FRMD8: variants seen among roughly 807,000 people sequenced by gnomAD.
The protein encoded by FRMD8 is FERM domain containing 8, also known as FERM domain-containing protein 8.
Under a neutral mutation model 54.2 loss-of-function variants are expected in FRMD8, and 37 were observed. The observed-to-expected ratio is 0.68, with a 90% CI of 0.53 to 0.90. The LOEUF (loss-of-function observed/expected upper bound fraction) is 0.90, where lower values mean the gene tolerates loss of function less well. FRMD8 is among the 40% of genes least tolerant of loss of function. The probability of loss-of-function intolerance (pLI) is 0.00; values close to 1 mark genes in which losing one functional copy is unlikely to be tolerated. For synonymous variants in FRMD8, 246 were observed against 286.9 expected (o/e 0.86, Z 1.44); for missense variants, 585 against 653.7 (o/e 0.89, Z 1.15).
At chr11:65,408,577 G>A (rs1279263365) in intron 10 of FRMD8, among the ~76,000 whole-genome samples, 1 of 151,588 alleles carries the variant, frequency 6.6e-6, no homozygotes, top group Non-Finnish European at 1.5e-5. Context: ...GTTTCCTCAG[G>A]ATACTTTCCT....
chr11:65,368,919 T>C, the FRMD8 span, among the ~76,000 whole-genome samples: 1 of 152,026 alleles, frequency 6.6e-6, no homozygotes, highest in African/African-American at 2.4e-5. Flanking sequence ...CCAGACCTCA[T>C]AGTTTAGAGG....
In FRMD8 at chr11:65,405,553, G is replaced by A. The variant is rs534516524; in HGVS notation, c.1276+485G>A. Among the ~76,000 whole-genome samples, 3 of 152,348 alleles carry A rather than the reference G, an allele frequency of 2.0e-5. No individual in the cohort carries two copies. The South Asian group carries it at 6.2e-4, about 32-fold the overall frequency. On this transcript the variant is annotated intron_variant, in intron 10 of 10. Coordinates refer to ENST00000317568, the MANE Select transcript of FRMD8 (RefSeq NM_031904.5). ...CAGGAAAAACGCTTGAACCCAGCAG[G>A]CAGAGGTTGCAGTGAGCCGAGATTG...
chr11:65,400,778 G>T lies in FRMD8; in HGVS notation c.982G>T (p.Glu328Ter). ...QELSWDHTSP[E>*]EEEPILWLEF... is the part of the protein sequence containing the mutation. ...GCTGTCGTGGGACCACACCTCCCCCGAGGAGGAGGAGCCCATCTTGTGGCT... is the reference window on the plus strand; with the variant it reads ...GCTGTCGTGGGACCACACCTCCCCCTAGGAGGAGGAGCCCATCTTGTGGCT... Residue 328 changes from glutamate (E) to a stop codon, truncating the protein, a stop_gained, in exon 9 of 11, where the codon GAG becomes TAG. Transcript: ENST00000317568. LOFTEE classifies it high-confidence loss of function. The surrounding 1 kb of genome is among the most constrained non-coding windows in gnomAD (Gnocchi z 4.3). 1 of 1,611,662 alleles carries T rather than the reference G, an allele frequency of 6.2e-7. No individual in the cohort carries two copies. Among genetic ancestry groups the T allele is most frequent in the Non-Finnish European group, 8.5e-7 (1 of 1,179,142 alleles).
rs1856035635 is a variant in FRMD8, at chr11:65,399,863, C to T, written c.927+4C>T. 1.2e-6 allele frequency: 2 copies of T among 1,610,300 alleles called. No individual in the cohort carries two copies. Among genetic ancestry groups the T allele is most frequent in the Non-Finnish European group, 1.7e-6 (2 of 1,177,988 alleles). On this transcript the variant is annotated splice_donor_region_variant and intron_variant, in intron 8 of 10. Transcript: ENST00000317568. ...CGTCATCGATAGCAGAGAGAAGGTA[C>T]TGCCCCCAGCTCCTCCAGGGTGGAG...
rs1856153620 is a variant in FRMD8 at position 65,404,752 on chromosome 11, ATG to A, written c.1072-106_1072-105del. On this transcript the variant is annotated intron_variant, in intron 9 of 10. Coordinates refer to ENST00000317568, the MANE Select transcript of FRMD8 (RefSeq NM_031904.5). This position sits in a 1 kb window ranked among gnomAD's most constrained non-coding sequence, Gnocchi z 4.7. ...CTCCCTGCTCCCTCCCTCCTGAGTG[ATG>A]TGTGTCCCCTCCCCTGCTTCCCCAA... The A allele has an allele frequency of 1.2e-6, 1 of 843,726 alleles. No individual in the cohort carries two copies. Among genetic ancestry groups the A allele is most frequent in the Admixed American group, 2.4e-5 (1 of 41,286 alleles). 52.3% of individuals were successfully genotyped at this position (843,726 alleles called of 1,614,324 possible).
chr11:65,372,227 A>G, the FRMD8 span, among the ~76,000 whole-genome samples: 8 of 152,146 alleles, frequency 5.3e-5, no homozygotes. Flanking sequence ...CTAGATTTTT[A>G]GAATCTCTCT....
chr11:65,392,197 A>T (rs1855859388), intron 3 of FRMD8, among the ~76,000 whole-genome samples: 1 of 152,134 alleles, frequency 6.6e-6, no homozygotes, highest in Admixed American at 6.5e-5. Flanking sequence ...GGGACGAGAA[A>T]GGGCTGCAGA....
the FRMD8 span, chr11:65,380,589 AGAG>A: frequency 7.7e-7 from 1 of 1,296,428 alleles, no homozygotes; most frequent in Non-Finnish European, 1.0e-6. Context: ...GCCGGGATCC[AGAG>A]CAGGCCCTGC....
At chr11:65,386,262 C>T (rs540567520), upstream of FRMD8, among the ~76,000 whole-genome samples, 1 of 152,162 alleles carries the variant, frequency 6.6e-6, no homozygotes, top group Non-Finnish European at 1.5e-5. Context: ...CTGCCGAGAG[C>T]GCCACGGTAC....
At chr11:65,378,898 G>A in the FRMD8 span, 5 of 164,002 alleles carry the variant, frequency 3.0e-5, no homozygotes, top group African/African-American at 1.2e-4. Context: ...GGCCTCAGGT[G>A]AGGCTCCCAG....
chr11:65,382,202 C>G (rs1358435415), upstream of FRMD8: 1 of 556,766 alleles, frequency 1.8e-6, no homozygotes, highest in Non-Finnish European at 3.2e-6. The surrounding 1 kb of genome is among the most constrained non-coding windows in gnomAD (Gnocchi z 4.4). Flanking sequence ...CACAGAGGCC[C>G]TGATCCCCGA....
chr11:65,371,856 T>C, the FRMD8 span, among the ~76,000 whole-genome samples: 11 of 152,130 alleles, frequency 7.2e-5, no homozygotes, highest in African/African-American at 2.7e-4. Flanking sequence ...CCTCGTGATC[T>C]GCCCACCTTG....
intron 2 of FRMD8, among the ~76,000 whole-genome samples, chr11:65,389,043 C>T (rs113367966): frequency 0.019 from 2,880 of 152,180 alleles, 35 homozygotes; most frequent in Non-Finnish European, 0.027. Flanking sequence ...TGGTGAGGGG[C>T]AGGTTTGCAA....
intron 10 of FRMD8, among the ~76,000 whole-genome samples, chr11:65,408,661 G>A (rs923887811): frequency 6.6e-6 from 1 of 151,790 alleles, no homozygotes; most frequent in Admixed American, 6.6e-5. Flanking sequence ...TGCCTAGACT[G>A]GAGTGCAATG....
chr11:65,400,357 C>T lies in FRMD8; in HGVS notation c.928-367C>T, dbSNP rs1007563303. 1.1e-4 allele frequency among the ~76,000 whole-genome samples: 17 copies of T among 152,168 alleles called. No homozygotes were observed. The highest frequency in any genetic ancestry group is 4.1e-4 in the African/African-American group (17 of 41,436). On this transcript the variant is annotated intron_variant, in intron 8 of 10. Transcript: ENST00000317568. The surrounding 1 kb of genome is among the most constrained non-coding windows in gnomAD (Gnocchi z 4.3). The stretch of plus-strand genomic sequence containing the variant: ...TTCTGGTTGTCCCGGAAGAAGGACC[C>T]CAGCCCCTGCTGCCATCTGTGTCCT...
Position 65,386,807 on chromosome 11 carries a change from GC to G in FRMD8, c.-1+47del, listed in dbSNP as rs768931110. On this transcript the variant is annotated intron_variant, in intron 1 of 10. Coordinates refer to ENST00000317568, the MANE Select transcript of FRMD8 (RefSeq NM_031904.5). Reference sequence around the variant, plus strand: ...GGCCCGGGCCTCCGTCCCCGGCTGGGCGTGCGCCTTGCCCTGCCTGGGCATC... The same window carrying G: ...GGCCCGGGCCTCCGTCCCCGGCTGGGGTGCGCCTTGCCCTGCCTGGGCATC... 3.0e-3 allele frequency: 1,628 copies of G among 547,276 alleles called. 9 individuals are homozygous for G. Among genetic ancestry groups the G allele is most frequent in the Non-Finnish European group, 4.7e-3 (1,450 of 311,448 alleles). 33.9% of individuals were successfully genotyped at this position (547,276 alleles called of 1,614,324 possible). A position where few individuals can be genotyped will look rare whatever the true frequency, so the allele number is the denominator to read the frequency against.
the FRMD8 span, chr11:65,376,992 G>C: frequency 6.2e-7 from 1 of 1,613,742 alleles, no homozygotes; most frequent in East Asian, 2.2e-5. Flanking sequence ...TGGTACCGGG[G>C]TGGGGGGCTC....
In FRMD8 at chr11:65,412,568, C is replaced by T. The variant is rs942939524; in HGVS notation, c.*1208C>T. 2.0e-5 allele frequency: 3 copies of T among 152,268 alleles called. No individual in the cohort carries two copies. Among genetic ancestry groups the T allele is most frequent in the African/African-American group, 7.2e-5 (3 of 41,458 alleles). The allele number at this position is 152,268 out of a possible 1,614,324, so 9.4% of individuals were successfully genotyped here. A position where few individuals can be genotyped will look rare whatever the true frequency, so the allele number is the denominator to read the frequency against. On this transcript the variant is annotated 3_prime_UTR_variant, in exon 11 of 11. Transcript: ENST00000317568. ...AGAGCCCCTGAGAGGAGGGCTTTCC[C>T]AGCCCTGGGACCCTCCGAGGTGGGT...
chr11:65,379,990 C>T, the FRMD8 span: 2 of 1,607,302 alleles, frequency 1.2e-6, no homozygotes, highest in East Asian at 4.5e-5. Flanking sequence ...GGTGGGCCAA[C>T]CTTTCCCTCT....
Sources: gnomAD v4.1 joint callset for allele counts (sites outside exome capture counted in the v4.1 genomes callset) on GRCh38, gnomAD v4.1.1 for gene constraint, Gnocchi (gnomAD v3.1) non-coding constraint, MANE v1.5 for transcripts, NCBI Gene and HGNC (gene_info 2026-07-23, HGNC 2026-07-21) for gene names.